The following CSMD1 variants were observed in gnomAD, a reference collection of about 807,000 sequenced individuals.
The protein encoded by CSMD1 is CUB and Sushi multiple domains 1.
A neutral mutation model predicts 417.5 loss-of-function variants in CSMD1; 213 were observed. That is an observed-to-expected ratio of 0.51 (90% CI 0.46 to 0.57). CSMD1 has a LOEUF of 0.57. CSMD1 is among the 20% of genes least tolerant of loss of function. CSMD1 has a pLI of 0.00. For synonymous variants in CSMD1, 2,862 were observed against 1,736.8 expected (o/e 1.65, Z -16.11); for missense variants, 6,923 against 4,529.7 (o/e 1.53, Z -15.17).
chr8:3,563,249 G>T (rs1028935699), intron 10 of CSMD1, among the ~76,000 whole-genome samples: 3 of 151,774 alleles, frequency 2.0e-5, no homozygotes, highest in Non-Finnish European at 4.4e-5. Flanking sequence ...CACAAACCGG[G>T]ATTTTAGTGA....
chr8:4,049,718 T>G (rs1446962632), intron 3 of CSMD1, among the ~76,000 whole-genome samples: 1 of 152,178 alleles, frequency 6.6e-6, no homozygotes, highest in Non-Finnish European at 1.5e-5. Context: ...TTAGACTACT[T>G]TAAAAATTTG....
intron 9 of CSMD1, among the ~76,000 whole-genome samples, chr8:3,578,312 G>T: frequency 1.4e-5 from 1 of 71,526 alleles, no homozygotes; most frequent in Admixed American, 1.4e-4. Flanking sequence ...CAATGAGTGA[G>T]TGTCCTTGCT....
intron 1 of CSMD1, among the ~76,000 whole-genome samples, chr8:4,704,894 T>C (rs1223607269): frequency 6.6e-6 from 1 of 152,148 alleles, no homozygotes; most frequent in Non-Finnish European, 1.5e-5. Flanking sequence ...TAAAGAAAAC[T>C]GCTTAATTTT....
chr8:4,031,535 G>A lies in CSMD1; in HGVS notation c.610+370C>T, dbSNP rs182839443. On this transcript the variant is annotated intron_variant, in intron 4 of 69. Transcript: ENST00000635120. ...TCCTCCCACAACATGTGGGAATTGT[G>A]GGAACTACCGTTCAACATGAGGTTT... 5.1e-3 allele frequency among the ~76,000 whole-genome samples: 780 copies of A among 152,190 alleles called. 3 individuals are homozygous for A. The highest frequency in any genetic ancestry group is 0.024 in the Middle Eastern group (7 of 292).
chr8:4,251,762 G>C (rs1223639014), intron 3 of CSMD1, among the ~76,000 whole-genome samples: 2 of 152,020 alleles, frequency 1.3e-5, no homozygotes, highest in Non-Finnish European at 2.9e-5. Flanking sequence ...AAGTGTGTGT[G>C]AGAGTGATGC....
chr8:3,608,637 G>A (rs994274307), intron 8 of CSMD1, among the ~76,000 whole-genome samples: 1 of 151,672 alleles, frequency 6.6e-6, no homozygotes, highest in African/African-American at 2.4e-5. Context: ...GGTAGCACAC[G>A]CCTGTAATCC....
rs1452691550 is a variant in CSMD1, at chr8:4,994,311, C to G, written c.85+21G>C. The G allele has an allele frequency of 1.0e-5, 16 of 1,605,546 alleles. No homozygotes were observed. The Admixed American group carries it at 2.2e-4, about 22-fold the overall frequency. ...TCCGAGGGCTCTACCGCCTCCCCGGCCAGGAGCAAGTCCGTCTTACCCTTC... is the reference window on the plus strand; with the variant it reads ...TCCGAGGGCTCTACCGCCTCCCCGGGCAGGAGCAAGTCCGTCTTACCCTTC... On this transcript the variant is annotated intron_variant, in intron 1 of 69. Transcript: ENST00000635120.
At chr8:3,958,529 T>G (rs1812122177) in intron 5 of CSMD1, among the ~76,000 whole-genome samples, 1 of 152,324 alleles carries the variant, frequency 6.6e-6, no homozygotes, top group South Asian at 2.1e-4. Context: ...CTTCTGGGTT[T>G]AGTTCTATTA....
At chr8:3,766,161 T>C (rs555565035) in intron 5 of CSMD1, among the ~76,000 whole-genome samples, 2 of 152,272 alleles carry the variant, frequency 1.3e-5, no homozygotes, top group South Asian at 4.1e-4. Context: ...GGGTGTGTAC[T>C]TTGGGCCTCC....
At chr8:4,288,780 A>C (rs1020864890) in intron 3 of CSMD1, among the ~76,000 whole-genome samples, 2 of 152,220 alleles carry the variant, frequency 1.3e-5, no homozygotes, top group Non-Finnish European at 2.9e-5. Context: ...GATACCTGTC[A>C]GGTCTACGTA....
At position 3,886,536 on chromosome 8, in the gene CSMD1, T is replaced by C. The variant is rs75222750; in HGVS notation, c.818+111367A>G. On this transcript the variant is annotated intron_variant, in intron 5 of 69. Coordinates refer to ENST00000635120, the MANE Select transcript of CSMD1 (RefSeq NM_033225.6). ...GCTGCTGAAGTTTGAAAGCAGGCCA[T>C]GGACAGCACTTTAATGACGAAGCGT... Among the ~76,000 whole-genome samples the C allele has an allele frequency of 5.3e-5, 8 of 152,358 alleles. No individual in the cohort carries two copies. In the South Asian group the frequency reaches 1.4e-3, roughly 28 times the overall value.
At chr8:4,401,226 T>C (rs1804624859) in intron 3 of CSMD1, among the ~76,000 whole-genome samples, 1 of 152,144 alleles carries the variant, frequency 6.6e-6, no homozygotes, top group African/African-American at 2.4e-5. Flanking sequence ...ACTTAATGAA[T>C]TTCAGCATTG....
At chr8:4,218,437 T>G (rs1800817917) in intron 3 of CSMD1, among the ~76,000 whole-genome samples, 1 of 152,220 alleles carries the variant, frequency 6.6e-6, no homozygotes, top group African/African-American at 2.4e-5. Flanking sequence ...CTACTTTTAT[T>G]CTGCCATGCT....
intron 41 of CSMD1, among the ~76,000 whole-genome samples, chr8:3,120,327 CATAAAG>C (rs780158248): frequency 2.8e-4 from 43 of 152,130 alleles, no homozygotes; most frequent in Non-Finnish European, 8.8e-5. Flanking sequence ...TGGACATCAA[CATAAAG>C]ATAATGTGAG....
chr8:4,046,675 A>G (rs1245581092), intron 3 of CSMD1, among the ~76,000 whole-genome samples: 1 of 152,188 alleles, frequency 6.6e-6, no homozygotes, highest in Non-Finnish European at 1.5e-5. Context: ...GGGAATGTTT[A>G]TTTCCATTTG....
Position 4,244,076 on chromosome 8 carries a change from G to A in CSMD1, c.415+175877C>T, listed in dbSNP as rs115518396. Among the ~76,000 whole-genome samples the A allele has an allele frequency of 3.8e-3, 574 of 152,270 alleles. 3 individuals carry two copies. The highest frequency in any genetic ancestry group is 0.013 in the African/African-American group (549 of 41,552). The stretch of plus-strand genomic sequence containing the variant: ...GTTAAAGTGCAGGTAGTCCTGTTGT[G>A]GACAGCTCTGTGCATCTGAAGATGA... On this transcript the variant is annotated intron_variant, in intron 3 of 69. Coordinates refer to ENST00000635120, the MANE Select transcript of CSMD1 (RefSeq NM_033225.6).
At chr8:4,718,485 A>C (rs773265541) in intron 1 of CSMD1, among the ~76,000 whole-genome samples, 10 of 152,156 alleles carry the variant, frequency 6.6e-5, no homozygotes, top group Non-Finnish European at 1.2e-4. Context: ...GGAACTAGAA[A>C]AGAATAACTA....
At chr8:2,967,607 A>G (rs1804081811) in intron 57 of CSMD1, among the ~76,000 whole-genome samples, 1 of 152,164 alleles carries the variant, frequency 6.6e-6, no homozygotes, top group South Asian at 2.1e-4. Flanking sequence ...CTGTTGCAAT[A>G]ATATACAATA....
At position 4,525,315 on chromosome 8, in the gene CSMD1, C is replaced by A. The variant is rs189949142; in HGVS notation, c.303-105250G>T. On this transcript the variant is annotated intron_variant, in intron 2 of 69. Transcript: ENST00000635120. ...TCTGTAGGTAGCTATGTGGCCAAGG[C>A]TCCCGGCATGGGGATTTCTCAGCAG... Among the ~76,000 whole-genome samples, 185 of 152,272 alleles carry A rather than the reference C, an allele frequency of 1.2e-3. 1 individual carries two copies. Among genetic ancestry groups the A allele is most frequent in the Middle Eastern group, 6.8e-3 (2 of 294 alleles).
Sources: gnomAD v4.1 joint callset for allele counts (sites outside exome capture counted in the v4.1 genomes callset) on GRCh38, gnomAD v4.1.1 for gene constraint, MANE v1.5 for transcripts, NCBI Gene and HGNC (gene_info 2026-07-23, HGNC 2026-07-21) for gene names.